ARID4B: variants seen among roughly 807,000 people sequenced by gnomAD.
The protein encoded by ARID4B is AT-rich interaction domain 4B, also known as AT-rich interactive domain-containing protein 4B.
A neutral mutation model predicts 147.5 loss-of-function variants in ARID4B; 26 were observed. The observed-to-expected ratio is 0.18, with a 90% CI of 0.13 to 0.24. The LOEUF (loss-of-function observed/expected upper bound fraction) is 0.24. ARID4B is among the 10% of genes least tolerant of loss of function. The probability of loss-of-function intolerance (pLI) is 1.00; values close to 1 mark genes in which losing one functional copy is unlikely to be tolerated. For synonymous variants in ARID4B, 512 were observed against 507.9 expected (o/e 1.01, Z -0.11); for missense variants, 1,179 against 1,511.5 (o/e 0.78, Z 3.65).
chr1:235,276,190 CAA>C (rs1190767913), intron 2 of ARID4B, among the ~76,000 whole-genome samples: 18 of 55,992 alleles, frequency 3.2e-4, no homozygotes, highest in Non-Finnish European at 5.3e-4. Flanking sequence ...ACATACGAAG[CAA>C]AAAAAAAAAA....
chr1:235,300,742 G>A (rs995717577), intron 2 of ARID4B, among the ~76,000 whole-genome samples: 7 of 151,686 alleles, frequency 4.6e-5, no homozygotes, highest in East Asian at 1.9e-4. Flanking sequence ...ACAGAGTCTC[G>A]CTCTGTAGCC....
intron 19 of ARID4B, among the ~76,000 whole-genome samples, chr1:235,189,303 G>C (rs763691721): frequency 6.7e-6 from 1 of 149,358 alleles, no homozygotes; most frequent in Non-Finnish European, 1.5e-5. Flanking sequence ...GGGAGGCTGA[G>C]GCAGGAGAAT....
At position 235,168,150 on chromosome 1, in the gene ARID4B, T is replaced by A. The variant is rs1046485195; in HGVS notation, c.*375A>T. The stretch of plus-strand genomic sequence containing the variant: ...AAATAAATGGAAAAATATCAAATGT[T>A]CCAGCTTTAACAAAATACAAGGGAA... On this transcript the variant is annotated 3_prime_UTR_variant, in exon 24 of 24. Coordinates refer to ENST00000264183, the MANE Select transcript of ARID4B (RefSeq NM_016374.6). 2 of 221,130 alleles carry A rather than the reference T, an allele frequency of 9.0e-6. No individual in the cohort carries two copies. Among genetic ancestry groups the A allele is most frequent in the African/African-American group, 4.5e-5 (2 of 44,624 alleles). 13.7% of individuals were successfully genotyped at this position (221,130 alleles called of 1,614,324 possible).
intron 13 of ARID4B, 123 bp from the exon 14 acceptor site, chr1:235,221,785 TA>T (rs1667479935): frequency 4.9e-6 from 2 of 406,828 alleles, no homozygotes; most frequent in Non-Finnish European, 4.3e-6. Flanking sequence ...AAAGAATTTT[TA>T]AAAACTTGAT....
chr1:235,260,657 T>C lies in ARID4B; in HGVS notation c.102A>G (p.Arg34=). 1.9e-6 allele frequency: 3 copies of C among 1,606,486 alleles called. No homozygotes were observed. Among genetic ancestry groups the C allele is most frequent in the Middle Eastern group, 1.7e-4 (1 of 6,044 alleles). ...FCEAKIKTAK[R]LVKVKVTFRH... Reference sequence around the variant, plus strand: ...AATACTGTACCTTGACTTTGACAAGTCTTTTTGCTGTCTTGATCTTGGCTT... The same window carrying C: ...AATACTGTACCTTGACTTTGACAAGCCTTTTTGCTGTCTTGATCTTGGCTT... The change falls in exon 3 of 24, where the codon AGA becomes AGG. Residue 34 remains arginine, a synonymous_variant. Transcript: ENST00000264183.
intron 9 of ARID4B, 21 bp from the exon 10 acceptor site, chr1:235,231,210 T>C (rs781184739): frequency 2.8e-6 from 4 of 1,418,006 alleles, no homozygotes; most frequent in Non-Finnish European, 3.8e-6. Context: ...TTTTTAATTA[T>C]AAGAGAAGAA....
chr1:235,286,547 T>C (rs1406259373), intron 2 of ARID4B, among the ~76,000 whole-genome samples: 2 of 152,192 alleles, frequency 1.3e-5, no homozygotes, highest in African/African-American at 2.4e-5. Flanking sequence ...CAGAGAAGGA[T>C]ACCTGAAGGA....
intron 17 of ARID4B, among the ~76,000 whole-genome samples, chr1:235,204,975 C>G (rs1571970634): frequency 1.3e-5 from 2 of 152,124 alleles, no homozygotes; most frequent in Non-Finnish European, 2.9e-5. Flanking sequence ...ATGGTTAACT[C>G]AAAAGCCACT....
intron 11 of ARID4B, among the ~76,000 whole-genome samples, chr1:235,227,862 T>G (rs1667930640): frequency 6.9e-6 from 1 of 145,334 alleles, no homozygotes; most frequent in Non-Finnish European, 1.5e-5. Flanking sequence ...AGACGGGGTC[T>G]CCTACTGTCA....
At position 235,179,525 on chromosome 1, in the gene ARID4B, CAAAAAAAAAAAAAA is replaced by C. The variant is rs61143006; in HGVS notation, c.3335-1626_3335-1613del. Among the ~76,000 whole-genome samples, 89 of 48,364 alleles carry C rather than the reference CAAAAAAAAAAAAAA, an allele frequency of 1.8e-3. No homozygotes were observed. In the East Asian group the frequency reaches 0.029, roughly 16 times the overall value. 31.7% of individuals were successfully genotyped at this position (48,364 alleles called of 152,430 possible). On this transcript the variant is annotated intron_variant, in intron 20 of 23. Coordinates refer to ENST00000264183, the MANE Select transcript of ARID4B (RefSeq NM_016374.6). ...GCAACAAGAGCAAAACTCTATGTCTCAAAAAAAAAAAAAAAAAAAAAAAAAAAACCCAACAAAAA... is the reference window on the plus strand; with the variant it reads ...GCAACAAGAGCAAAACTCTATGTCTCAAAAAAAAAAAAAACCCAACAAAAA...
intron 2 of ARID4B, among the ~76,000 whole-genome samples, chr1:235,280,873 A>G (rs1671625892): frequency 1.3e-5 from 2 of 152,188 alleles, no homozygotes; most frequent in Non-Finnish European, 2.9e-5. Flanking sequence ...TGTTGACCCG[A>G]GCACGTTTTT....
chr1:235,218,878 T>TC (rs986992176), intron 16 of ARID4B, among the ~76,000 whole-genome samples: 10 of 150,760 alleles, frequency 6.6e-5, no homozygotes, highest in African/African-American at 2.4e-4. Context: ...TTTTTTTTTT[T>TC]TTTTTGAGAC....
chr1:235,203,068 C>A (rs552247304), intron 17 of ARID4B, among the ~76,000 whole-genome samples: 1 of 152,076 alleles, frequency 6.6e-6, no homozygotes, highest in African/African-American at 2.4e-5. Context: ...TGAATACAAA[C>A]GTGAAACTTT....
chr1:235,266,042 G>C (rs1279955228), intron 2 of ARID4B, among the ~76,000 whole-genome samples: 1 of 152,104 alleles, frequency 6.6e-6, no homozygotes, highest in Non-Finnish European at 1.5e-5. Context: ...GTATATACGT[G>C]GGGAAGAGGG....
At chr1:235,181,564 C>T in intron 20 of ARID4B, 21 bp downstream of exon 20, 1 of 1,604,554 alleles carries the variant, frequency 6.2e-7, no homozygotes, top group Admixed American at 1.7e-5. Context: ...AATAAGTCAA[C>T]ATACACATTT....
intron 4 of ARID4B, among the ~76,000 whole-genome samples, chr1:235,256,708 A>T (rs1473452335): frequency 6.6e-6 from 1 of 152,218 alleles, no homozygotes; most frequent in African/African-American, 2.4e-5. Context: ...TTTTCAGATC[A>T]TCGTGGAACT....
At chr1:235,198,707 C>T (rs1275955049) in intron 17 of ARID4B, among the ~76,000 whole-genome samples, 1 of 152,090 alleles carries the variant, frequency 6.6e-6, no homozygotes, top group Non-Finnish European at 1.5e-5. Context: ...GCAGGCAGGA[C>T]ACACACACAA....
At chr1:235,259,184 C>CAG (rs1410810552) in intron 3 of ARID4B, among the ~76,000 whole-genome samples, 3 of 152,160 alleles carry the variant, frequency 2.0e-5, no homozygotes, top group Non-Finnish European at 4.4e-5. Context: ...CAGTAGAGTC[C>CAG]AGTAAGAGTT....
intron 19 of ARID4B, among the ~76,000 whole-genome samples, chr1:235,192,763 C>T (rs1205267195): frequency 2.6e-5 from 4 of 152,122 alleles, no homozygotes; most frequent in Admixed American, 2.6e-4. Context: ...GCTTTTATTA[C>T]CTATACTTCA....
Sources: allele counts gnomAD v4.1 joint callset (sites outside exome capture counted in the v4.1 genomes callset), GRCh38; gene constraint gnomAD v4.1.1; transcripts MANE v1.5; gene names NCBI Gene and HGNC (gene_info 2026-07-23, HGNC 2026-07-21).